Variants in TNR observed in about 807,000 individuals in gnomAD.
TNR encodes the protein tenascin R, also known as tenascin-R.
In TNR, 45 loss-of-function variants were observed where a neutral mutation model predicts 150.4. The ratio of observed to expected loss-of-function variants is 0.30; its 90% CI spans 0.24 to 0.38. TNR has a LOEUF of 0.38. Among genes scored for constraint, TNR ranks in the 10% least tolerant of loss-of-function variants. The pLI is 1.00. For missense variants in TNR, 1,544 were observed against 1,759.1 expected (o/e 0.88, Z 2.19); for synonymous variants, 687 against 678.4 (o/e 1.01, Z -0.20).
intron 2 of TNR, among the ~76,000 whole-genome samples, chr1:175,454,613 A>T (rs1035773040): frequency 6.6e-6 from 1 of 152,166 alleles, no homozygotes. Flanking sequence ...CTGGGATTAC[A>T]GGCATGTGCC....
chr1:175,733,997 C>A (rs978496626), intron 1 of TNR, among the ~76,000 whole-genome samples: 1 of 152,208 alleles, frequency 6.6e-6, no homozygotes, highest in Admixed American at 6.5e-5. Context: ...GGTCAGCCAA[C>A]CTTCCCTTGA....
chr1:175,406,081 G>T (rs918352604), intron 3 of TNR, 135 bp downstream of exon 3: 21 of 1,192,102 alleles, frequency 1.8e-5, no homozygotes, highest in Middle Eastern at 2.9e-4. Context: ...TCCTTTGACC[G>T]TGTGAAGAGA....
At chr1:175,405,732 C>T (rs567873678) in intron 3 of TNR, among the ~76,000 whole-genome samples, 1 of 152,022 alleles carries the variant, frequency 6.6e-6, no homozygotes, top group South Asian at 2.1e-4. Flanking sequence ...TCCTCTGAGA[C>T]CTTAATGACT....
chr1:175,533,574 G>A (rs191511551), intron 1 of TNR, among the ~76,000 whole-genome samples: 18 of 152,294 alleles, frequency 1.2e-4, no homozygotes, highest in African/African-American at 3.6e-4. Flanking sequence ...TGTGAGAGAC[G>A]CTGAAGTTCT....
At chr1:175,583,782 G>A (rs1379173642) in intron 1 of TNR, among the ~76,000 whole-genome samples, 1 of 152,192 alleles carries the variant, frequency 6.6e-6, no homozygotes. Flanking sequence ...TTGAGACACA[G>A]AAAAGGGAAA....
At chr1:175,733,814 C>T (rs1667704282) in intron 1 of TNR, among the ~76,000 whole-genome samples, 1 of 152,104 alleles carries the variant, frequency 6.6e-6, no homozygotes, top group Non-Finnish European at 1.5e-5. Context: ...GATTTGCTGG[C>T]CTCTCGAGGG....
At chr1:175,557,962 G>T (rs1179176473) in intron 1 of TNR, among the ~76,000 whole-genome samples, 15 of 104,864 alleles carry the variant, frequency 1.4e-4, no homozygotes, top group South Asian at 3.6e-4. Flanking sequence ...ATGAGTTCGT[G>T]TCCTTTGTAG....
chr1:175,600,925 T>A (rs368007000), intron 1 of TNR, among the ~76,000 whole-genome samples: 1 of 152,164 alleles, frequency 6.6e-6, no homozygotes, highest in African/African-American at 2.4e-5. Flanking sequence ...TGGTCTTGAG[T>A]GAAAAAAAAA....
chr1:175,636,878 A>C (rs538557079), intron 1 of TNR, among the ~76,000 whole-genome samples: 1 of 152,242 alleles, frequency 6.6e-6, no homozygotes, highest in Non-Finnish European at 1.5e-5. Flanking sequence ...ACACTATTCA[A>C]TAATGAGTTC....
chr1:175,383,357 C>T (rs1652773263), intron 8 of TNR, among the ~76,000 whole-genome samples: 1 of 152,204 alleles, frequency 6.6e-6, no homozygotes. Flanking sequence ...CTCTGGTTGA[C>T]CAGATGCCCT....
At chr1:175,726,649 G>A (rs1400953563) in intron 1 of TNR, among the ~76,000 whole-genome samples, 1 of 152,188 alleles carries the variant, frequency 6.6e-6, no homozygotes, top group African/African-American at 2.4e-5. Context: ...CAAATGCCTA[G>A]GCAAGATCTG....
At position 175,743,384 on chromosome 1, in the gene TNR, C is replaced by T. The variant is rs909478144; in HGVS notation, c.-323G>A. On this transcript the variant is annotated 5_prime_UTR_variant, in exon 1 of 23. It adds an upstream start codon to the 5' untranslated region. Coordinates refer to ENST00000367674, the MANE Select transcript of TNR (RefSeq NM_003285.3). ...TCTGGGAGGAAGAGACAAGGCTCCA[C>T]GAAAGAAATGAAACCCAAGCTGTCA... The T allele has an allele frequency of 6.6e-5, 10 of 152,080 alleles. No individual in the cohort carries two copies. Among genetic ancestry groups the T allele is most frequent in the Non-Finnish European group, 1.3e-4 (9 of 68,046 alleles). 9.4% of individuals were successfully genotyped at this position (152,080 alleles called of 1,614,324 possible).
intron 9 of TNR, among the ~76,000 whole-genome samples, chr1:175,378,280 A>C (rs1415471805): frequency 6.6e-6 from 1 of 151,106 alleles, no homozygotes; most frequent in African/African-American, 2.5e-5. Flanking sequence ...ATCCATGCCC[A>C]AGTCATAGTG....
At position 175,717,095 on chromosome 1, in the gene TNR, G is replaced by A. The variant is rs1667176809; in HGVS notation, c.-165+26131C>T. On this transcript the variant is annotated intron_variant, in intron 1 of 22. Transcript: ENST00000367674. Reference sequence around the variant, plus strand: ...CTTGCCATATCCTCTTTATCTAAATGCCACCTCCTTGAAAGACTAAAACAT... The same window carrying A: ...CTTGCCATATCCTCTTTATCTAAATACCACCTCCTTGAAAGACTAAAACAT... Among the ~76,000 whole-genome samples the A allele has an allele frequency of 3.3e-5, 5 of 152,112 alleles. No individual in the cohort carries two copies. The South Asian group carries it at 1.0e-3, about 32-fold the overall frequency.
At chr1:175,546,910 A>G (rs1159324247) in intron 1 of TNR, among the ~76,000 whole-genome samples, 1 of 152,092 alleles carries the variant, frequency 6.6e-6, no homozygotes, top group African/African-American at 2.4e-5. Context: ...ACCAGAGTCA[A>G]TTTTTTCCCA....
At chr1:175,549,775 C>A (rs1660862523) in intron 1 of TNR, among the ~76,000 whole-genome samples, 1 of 152,142 alleles carries the variant, frequency 6.6e-6, no homozygotes, top group African/African-American at 2.4e-5. Context: ...AGCCCTACAA[C>A]TACAAGGAAA....
intron 1 of TNR, among the ~76,000 whole-genome samples, chr1:175,696,345 T>C (rs759978439): frequency 6.6e-6 from 1 of 150,904 alleles, no homozygotes; most frequent in Non-Finnish European, 1.5e-5. Context: ...TTTACAGCTG[T>C]AGGATACAAT....
At chr1:175,485,006 T>C (rs950241763) in intron 2 of TNR, among the ~76,000 whole-genome samples, 1 of 152,200 alleles carries the variant, frequency 6.6e-6, no homozygotes, top group Non-Finnish European at 1.5e-5. Context: ...AAGGCACTCA[T>C]AAAACTAAGA....
chr1:175,709,556 A>G (rs755576018), intron 1 of TNR, among the ~76,000 whole-genome samples: 1 of 152,244 alleles, frequency 6.6e-6, no homozygotes, highest in Non-Finnish European at 1.5e-5. Context: ...TGCCAACAAG[A>G]GTTAAAACAG....
Sources: allele counts gnomAD v4.1 joint callset (sites outside exome capture counted in the v4.1 genomes callset), GRCh38; gene constraint gnomAD v4.1.1; transcripts MANE v1.5; gene names NCBI Gene and HGNC (gene_info 2026-07-23, HGNC 2026-07-21).